The following CCDC171 variants were observed in gnomAD, a reference collection of about 807,000 sequenced individuals.
The protein encoded by CCDC171 is coiled-coil domain containing 171.
In CCDC171, 177 loss-of-function variants were observed where a neutral mutation model predicts 168.2. That is an observed-to-expected ratio of 1.05 (90% confidence interval 0.93 to 1.19). The LOEUF is 1.19. Ranked by LOEUF, CCDC171 falls within the 50% of genes most tolerant of loss-of-function variation. The pLI is 0.00. For synonymous variants in CCDC171, 687 were observed against 540.8 expected (o/e 1.27, Z -3.75); for missense variants, 1,991 against 1,539.0 (o/e 1.29, Z -4.91).
intron 18 of CCDC171, among the ~76,000 whole-genome samples, chr9:15,748,868 C>T (rs146882509): frequency 0.01 from 1,580 of 152,306 alleles, 31 homozygotes; most frequent in African/African-American, 0.036. Flanking sequence ...ACTGCAAAAA[C>T]ATGCCAAATT....
intron 23 of CCDC171, among the ~76,000 whole-genome samples, chr9:15,873,106 AG>A (rs1311565006): frequency 6.6e-6 from 1 of 152,046 alleles, no homozygotes; most frequent in Non-Finnish European, 1.5e-5. Context: ...TCTTATTGAC[AG>A]AAAGTCTTCA....
At chr9:15,962,560 T>G (rs552483933) in intron 25 of CCDC171, among the ~76,000 whole-genome samples, 10 of 152,254 alleles carry the variant, frequency 6.6e-5, no homozygotes, top group African/African-American at 2.4e-4. Flanking sequence ...AATATTTAAT[T>G]TTTACTGGCA....
intron 3 of CCDC171, among the ~76,000 whole-genome samples, chr9:16,015,963 G>C (rs1052288468): frequency 6.6e-6 from 1 of 152,074 alleles, no homozygotes; most frequent in Non-Finnish European, 1.5e-5. Context: ...TATTTTTAAG[G>C]CTGAATAATA....
At chr9:15,788,818 G>C (rs1026443537) in intron 21 of CCDC171, among the ~76,000 whole-genome samples, 2 of 152,054 alleles carry the variant, frequency 1.3e-5, no homozygotes, top group African/African-American at 4.8e-5. Flanking sequence ...CTCCCAAAGT[G>C]CTGGGATTAC....
At chr9:16,046,267 G>A (rs900324198) in intron 1 of CCDC171, among the ~76,000 whole-genome samples, 4 of 152,074 alleles carry the variant, frequency 2.6e-5, no homozygotes, top group Non-Finnish European at 4.4e-5. Context: ...AATGGGGTCC[G>A]GAGTGTGGGA....
At chr9:15,573,163 A>G (rs894262539) in intron 3 of CCDC171, among the ~76,000 whole-genome samples, 1 of 152,046 alleles carries the variant, frequency 6.6e-6, no homozygotes, top group Non-Finnish European at 1.5e-5. Flanking sequence ...TGAAAAGATG[A>G]TTTTTTTCAG....
chr9:15,799,545 C>T (rs945553417), intron 21 of CCDC171, among the ~76,000 whole-genome samples: 14 of 152,034 alleles, frequency 9.2e-5, no homozygotes, highest in East Asian at 3.9e-4. Flanking sequence ...TTTATACAGA[C>T]ATTCAATGTG....
intron 25 of CCDC171, among the ~76,000 whole-genome samples, chr9:15,956,974 C>G (rs1344417739): frequency 1.3e-5 from 2 of 150,516 alleles, no homozygotes; most frequent in Admixed American, 6.6e-5. Flanking sequence ...CAAATCTTTT[C>G]TCTCAGTAGG....
intron 3 of CCDC171, among the ~76,000 whole-genome samples, chr9:16,008,606 C>T (rs1832773683): frequency 6.6e-6 from 1 of 152,144 alleles, no homozygotes; most frequent in Non-Finnish European, 1.5e-5. Context: ...CTCTCTCTTT[C>T]TGGTCCCCTG....
chr9:16,047,757 A>G (rs1411483280), intron 1 of CCDC171, among the ~76,000 whole-genome samples: 1 of 152,234 alleles, frequency 6.6e-6, no homozygotes, highest in African/African-American at 2.4e-5. Flanking sequence ...CAATTGTAGA[A>G]TAGGGATCAA....
chr9:15,791,007 G>A (rs2058229891), intron 21 of CCDC171, among the ~76,000 whole-genome samples: 2 of 152,122 alleles, frequency 1.3e-5, no homozygotes, highest in South Asian at 2.1e-4. Context: ...TAGCCTTTTA[G>A]TGTAGTTTGA....
chr9:15,957,358 CAG>C (rs1829902319), intron 25 of CCDC171, among the ~76,000 whole-genome samples: 2 of 152,270 alleles, frequency 1.3e-5, no homozygotes, highest in Non-Finnish European at 2.9e-5. Flanking sequence ...GGCTGAGAGA[CAG>C]AGACCTGTCA....
At chr9:15,629,982 GA>G (rs1337019222) in intron 7 of CCDC171, among the ~76,000 whole-genome samples, 4 of 152,204 alleles carry the variant, frequency 2.6e-5, no homozygotes, top group African/African-American at 9.7e-5. Flanking sequence ...AATGCTGAGA[GA>G]TTTTGTCACC....
At chr9:15,874,781 G>A (rs2131239269) in intron 24 of CCDC171, 118 bp downstream of exon 24, 2 of 1,031,220 alleles carry the variant, frequency 1.9e-6, no homozygotes, top group Middle Eastern at 3.3e-4. Context: ...GCAAATAGAT[G>A]TTTCTTCATT....
rs562276617 is a variant in CCDC171 at position 15,744,854 on chromosome 9, A to G, written c.2554+77A>G. On this transcript the variant is annotated intron_variant, in intron 17 of 25. Transcript: ENST00000380701. ...GTGTGACTATACCTGGCTATTATGG[A>G]AAAACTCTTAAAAAATCATGTAATA... 5.1e-6 allele frequency: 7 copies of G among 1,359,404 alleles called. No individual in the cohort carries two copies. In the East Asian group the frequency reaches 1.7e-4, roughly 33 times the overall value. 84.2% of individuals were successfully genotyped at this position (1,359,404 alleles called of 1,614,324 possible). A position where few individuals can be genotyped will look rare whatever the true frequency, so the allele number is the denominator to read the frequency against.
At chr9:15,682,940 A>G (rs2050136376) in intron 10 of CCDC171, among the ~76,000 whole-genome samples, 1 of 152,026 alleles carries the variant, frequency 6.6e-6, no homozygotes, top group African/African-American at 2.4e-5. Flanking sequence ...GAGGCTCAAC[A>G]GATCCAGCTG....
At chr9:15,789,548 CCAACAAAGAGTAAGAT>C (rs1441924378) in intron 21 of CCDC171, among the ~76,000 whole-genome samples, 3 of 152,058 alleles carry the variant, frequency 2.0e-5, no homozygotes, top group Admixed American at 1.3e-4. Context: ...CCTTCAGAAG[CCAACAAAGAGTAAGAT>C]CAACGAAGTA....
chr9:15,705,226 C>T (rs983094965), intron 11 of CCDC171, among the ~76,000 whole-genome samples: 1 of 151,954 alleles, frequency 6.6e-6, no homozygotes, highest in African/African-American at 2.4e-5. Context: ...AAGTTTTGCA[C>T]CTTGAATGTA....
intron 1 of CCDC171, among the ~76,000 whole-genome samples, chr9:15,555,054 T>C (rs931206494): frequency 2.0e-5 from 3 of 152,128 alleles, no homozygotes; most frequent in Non-Finnish European, 4.4e-5. Context: ...AGGACTCAGA[T>C]GTAAGGTAGA....
Sources: gnomAD v4.1 joint callset for allele counts (sites outside exome capture counted in the v4.1 genomes callset) on GRCh38, gnomAD v4.1.1 for gene constraint, MANE v1.5 for transcripts, NCBI Gene and HGNC (gene_info 2026-07-23, HGNC 2026-07-21) for gene names.